The following CDH17 variants were observed in gnomAD, a reference collection of about 807,000 sequenced individuals.
CDH17 encodes cadherin-17.
CDH17 carries 67 observed loss-of-function variants against 86.3 expected under a neutral mutation model. The observed-to-expected ratio is 0.78, with a 90% CI of 0.64 to 0.95. CDH17 has a LOEUF of 0.95. Among genes scored for constraint, CDH17 ranks in the 40% least tolerant of loss-of-function variants. The probability of loss-of-function intolerance (pLI) is 0.00; values close to 1 mark genes in which losing one functional copy is unlikely to be tolerated. For synonymous variants in CDH17, 367 were observed against 366.4 expected (o/e 1.00, Z -0.02); for missense variants, 993 against 1,017.6 (o/e 0.98, Z 0.33).
intron 3 of CDH17, 84 bp downstream of exon 3, chr8:94,189,103 C>T (rs760187019): frequency 2.2e-6 from 2 of 927,310 alleles, no homozygotes; most frequent in Admixed American, 2.4e-5. Flanking sequence ...TATTTTATTT[C>T]CTGCTATACA....
intron 14 of CDH17, among the ~76,000 whole-genome samples, 184 bp from the exon 15 acceptor site, chr8:94,146,351 T>A (rs1319366672): frequency 6.6e-6 from 1 of 152,230 alleles, no homozygotes; most frequent in African/African-American, 2.4e-5. Context: ...ATCATAATAA[T>A]AACTAAGAGA....
At chr8:94,139,918 G>A (rs1355711902) in intron 15 of CDH17, among the ~76,000 whole-genome samples, 3 of 151,772 alleles carry the variant, frequency 2.0e-5, no homozygotes, top group Admixed American at 2.0e-4. Flanking sequence ...AAAAAGGGGG[G>A]GTGGTGAAAT....
At chr8:94,174,308 G>C in intron 5 of CDH17, 48 bp from the exon 6 acceptor site, 1 of 1,519,152 alleles carries the variant, frequency 6.6e-7, no homozygotes, top group Non-Finnish European at 8.8e-7. Flanking sequence ...GATATTAATT[G>C]AAACCCAAAC....
intron 2 of CDH17, among the ~76,000 whole-genome samples, chr8:94,193,017 G>T (rs1451321583): frequency 6.6e-6 from 1 of 152,102 alleles, no homozygotes; most frequent in Non-Finnish European, 1.5e-5. Context: ...GAGAGAAGTG[G>T]CTCCCTCCCA....
intron 12 of CDH17, among the ~76,000 whole-genome samples, chr8:94,159,286 C>T (rs1360683198): frequency 6.6e-6 from 1 of 152,124 alleles, no homozygotes; most frequent in East Asian, 1.9e-4. Context: ...CCAGATTATC[C>T]AGTCCTTACA....
rs557439230 is a variant in CDH17, at chr8:94,176,558, C to G, written c.407G>C (p.Arg136Thr). 6.2e-7 allele frequency: 1 copy of G among 1,613,794 alleles called. No homozygotes were observed. Among genetic ancestry groups the G allele is most frequent in the African/African-American group, 1.3e-5 (1 of 74,998 alleles). ...FLQSKYEGSV[R>T]QNSRPGKPFL... The stretch of plus-strand genomic sequence containing the variant: ...CCTGTTACCTGGGCGAGAGTTCTGC[C>G]TTACTGAGCCTTCGTACTTTGACTG... The change falls in exon 5 of 18, where the codon AGG becomes ACG. Residue 136 changes from arginine (R) to threonine (T), a missense_variant. Physicochemically the swap from Arg to Thr is moderately conservative, Grantham distance 71 (BLOSUM62 -1). Coordinates refer to ENST00000027335, the MANE Select transcript of CDH17 (RefSeq NM_004063.4).
intron 2 of CDH17, among the ~76,000 whole-genome samples, chr8:94,193,460 T>C (rs1458197387): frequency 6.6e-6 from 1 of 152,306 alleles, no homozygotes; most frequent in East Asian, 1.9e-4. Flanking sequence ...CAGTATCTCA[T>C]TGAATTGCCA....
chr8:94,214,968 C>A (rs1814172825), intron 1 of CDH17, among the ~76,000 whole-genome samples: 1 of 152,082 alleles, frequency 6.6e-6, no homozygotes, highest in Admixed American at 6.5e-5. Flanking sequence ...ACCAGGACAG[C>A]TATAATAAAA....
At chr8:94,204,513 A>G (rs961854280) in intron 1 of CDH17, among the ~76,000 whole-genome samples, 3 of 152,272 alleles carry the variant, frequency 2.0e-5, no homozygotes, top group Non-Finnish European at 4.4e-5. Flanking sequence ...TCCATGGTGT[A>G]TATGTGCCAC....
chr8:94,189,126 G>A (rs1031259837), intron 3 of CDH17, 61 bp downstream of exon 3: 3 of 1,131,048 alleles, frequency 2.7e-6, no homozygotes, highest in African/African-American at 1.6e-5. Context: ...AGATAAGGAA[G>A]TAAAAGTCCA....
At chr8:94,132,227 G>A (rs1053604638) in intron 15 of CDH17, among the ~76,000 whole-genome samples, 1 of 152,114 alleles carries the variant, frequency 6.6e-6, no homozygotes, top group African/African-American at 2.4e-5. Context: ...GGTCTTTCAG[G>A]TTCTGTATCC....
chr8:94,209,087 T>C (rs1376274036), upstream of CDH17, among the ~76,000 whole-genome samples: 1 of 151,966 alleles, frequency 6.6e-6, no homozygotes, highest in East Asian at 1.9e-4. Flanking sequence ...AATCCAAGGG[T>C]CCCTTCCAAA....
chr8:94,176,672 GCTGCAAC>G lies in CDH17; in HGVS notation c.286_292del (p.Val96ProfsTer8). On this transcript the variant is annotated frameshift_variant and splice_region_variant, in exon 5 of 18. Transcript: ENST00000027335. LOFTEE classifies it high-confidence loss of function. ...CACTATAATTCCATTAGCGTCCAGG[GCTGCAAC>G]CTGATGTTGAGGAAAAGGAAACCAT... 6.2e-7 allele frequency: 1 copy of G among 1,611,538 alleles called. No homozygotes were observed. The highest frequency in any genetic ancestry group is 2.2e-5 in the East Asian group (1 of 44,770).
Position 94,183,748 on chromosome 8 carries a change from ACAC to A in CDH17, c.150+5436_150+5438del, listed in dbSNP as rs1813526047. Among the ~76,000 whole-genome samples the A allele has an allele frequency of 2.0e-5, 3 of 152,232 alleles. No individual in the cohort carries two copies. In the South Asian group the frequency reaches 6.2e-4, roughly 32 times the overall value. ...ATTCAAAGCATTTGTGCTCCAAAGG[ACAC>A]CACCAAGAAAGTGAAAAGATAACTT... On this transcript the variant is annotated intron_variant, in intron 3 of 17. Transcript: ENST00000027335.
At chr8:94,179,492 G>A (rs927938595) in intron 3 of CDH17, among the ~76,000 whole-genome samples, 21 of 152,306 alleles carry the variant, frequency 1.4e-4, no homozygotes, top group Admixed American at 1.0e-3. Flanking sequence ...AATCTACAAG[G>A]CCACTATCAT....
intron 15 of CDH17, among the ~76,000 whole-genome samples, chr8:94,141,650 T>A (rs1485071185): frequency 6.6e-6 from 1 of 152,064 alleles, no homozygotes; most frequent in East Asian, 1.9e-4. Context: ...ATTTAAAATA[T>A]CAAAAATATG....
At chr8:94,137,402 T>G (rs1374194357) in intron 15 of CDH17, among the ~76,000 whole-genome samples, 1 of 152,142 alleles carries the variant, frequency 6.6e-6, no homozygotes, top group Non-Finnish European at 1.5e-5. Flanking sequence ...CAGACTGCTG[T>G]GCTAACAGTG....
intron 1 of CDH17, among the ~76,000 whole-genome samples, chr8:94,208,282 T>A (rs1003707541): frequency 6.6e-6 from 1 of 152,120 alleles, no homozygotes; most frequent in Non-Finnish European, 1.5e-5. Context: ...TATGGACCAA[T>A]GAAAAGAAAC....
chr8:94,145,932 G>A lies in CDH17; in HGVS notation c.2163C>T (p.Ile721=), dbSNP rs1261450445. The change falls in exon 15 of 18, where the codon ATC becomes ATT. Residue 721 remains isoleucine, a synonymous_variant. Transcript: ENST00000027335. ...SLQNDWEVSK[I]NGTHARLSTR... ...CATGTATTTCTGACAACTCACCATT[G>A]ATTTTGGAAACTTCCCAGTCGTTTT... The A allele has an allele frequency of 6.2e-7, 1 of 1,610,702 alleles. No individual in the cohort carries two copies. Among genetic ancestry groups the A allele is most frequent in the Non-Finnish European group, 8.5e-7 (1 of 1,178,900 alleles).
Sources: allele counts gnomAD v4.1 joint callset (sites outside exome capture counted in the v4.1 genomes callset), GRCh38; gene constraint gnomAD v4.1.1; transcripts MANE v1.5; gene names NCBI Gene and HGNC (gene_info 2026-07-23, HGNC 2026-07-21).